The following NPAS3 variants were observed in gnomAD, a reference collection of about 807,000 sequenced individuals.
The protein encoded by NPAS3 is neuronal PAS domain-containing protein 3.
In NPAS3, 14 loss-of-function variants were observed where a neutral mutation model predicts 73.1. The ratio of observed to expected loss-of-function variants is 0.19; its 90% CI spans 0.13 to 0.30. NPAS3 has a LOEUF of 0.30. Ranked by LOEUF, NPAS3 falls within the 10% of genes least tolerant of loss-of-function variation. The pLI is 1.00. For synonymous variants in NPAS3, 620 were observed against 541.5 expected (o/e 1.14, Z -2.01); for missense variants, 1,096 against 1,250.0 (o/e 0.88, Z 1.86).
intron 6 of NPAS3, 35 bp downstream of exon 6, chr14:33,676,420 GC>G: frequency 2.0e-6 from 3 of 1,517,078 alleles, no homozygotes; most frequent in Non-Finnish European, 2.6e-6. Context: ...GGGTTGGTGG[GC>G]AGGACCTTTG....
intron 1 of NPAS3, among the ~76,000 whole-genome samples, chr14:33,020,078 AT>A (rs2138251231): frequency 6.6e-6 from 1 of 152,340 alleles, no homozygotes; most frequent in East Asian, 1.9e-4. Context: ...TGTCAGTATT[AT>A]ATTTTTCAAA....
At chr14:33,678,266 A>G (rs1007734541) in intron 6 of NPAS3, among the ~76,000 whole-genome samples, 1 of 152,162 alleles carries the variant, frequency 6.6e-6, no homozygotes, top group African/African-American at 2.4e-5. Flanking sequence ...TCTCGTAGAT[A>G]GTTATGCCTG....
intron 3 of NPAS3, among the ~76,000 whole-genome samples, chr14:33,298,459 C>G (rs1350819148): frequency 1.3e-5 from 2 of 152,158 alleles, no homozygotes; most frequent in Non-Finnish European, 2.9e-5. Context: ...TTAGAGACTC[C>G]TCTTTGTGAC....
At chr14:33,178,475 T>C (rs1307201673) in intron 2 of NPAS3, among the ~76,000 whole-genome samples, 2 of 152,220 alleles carry the variant, frequency 1.3e-5, no homozygotes, top group African/African-American at 4.8e-5. Flanking sequence ...TTTAATAATA[T>C]AAATTTCTCA....
intron 1 of NPAS3, among the ~76,000 whole-genome samples, chr14:33,022,979 A>C (rs575569379): frequency 1.2e-4 from 18 of 152,206 alleles, no homozygotes; most frequent in African/African-American, 4.1e-4. Flanking sequence ...TAAATTTTTA[A>C]TCTAAAACTG....
chr14:32,945,004 C>T (rs1364293021), intron 1 of NPAS3, among the ~76,000 whole-genome samples: 6 of 152,098 alleles, frequency 3.9e-5, no homozygotes, highest in African/African-American at 1.2e-4. Context: ...CGTGGTTATG[C>T]GTGCCAGGTA....
chr14:33,195,226 C>T (rs1321514119), intron 2 of NPAS3, among the ~76,000 whole-genome samples: 1 of 150,576 alleles, frequency 6.6e-6, no homozygotes, highest in African/African-American at 2.4e-5. Flanking sequence ...CTCCCACCCA[C>T]TAGCTAAAAA....
intron 5 of NPAS3, among the ~76,000 whole-genome samples, chr14:33,675,048 AG>A (rs1218913431): frequency 2.0e-4 from 29 of 147,542 alleles, no homozygotes; most frequent in South Asian, 1.8e-3. Context: ...TGAGGTAGGC[AG>A]GGGTTCTAGG....
At chr14:33,780,950 A>G (rs1366562403) in intron 9 of NPAS3, 1 of 216,006 alleles carries the variant, frequency 4.6e-6, no homozygotes, top group Non-Finnish European at 9.3e-6. Context: ...GATTGGGTTC[A>G]TTCTTTTAAC....
chr14:33,200,367 C>A (rs2046568023), intron 2 of NPAS3, among the ~76,000 whole-genome samples: 1 of 151,966 alleles, frequency 6.6e-6, no homozygotes, highest in Admixed American at 6.6e-5. Flanking sequence ...AAAGTAAAAG[C>A]AGAAACACAA....
rs1024013497 is a variant in NPAS3 at position 33,660,407 on chromosome 14, G to C, written c.559-15804G>C. 2.6e-5 allele frequency among the ~76,000 whole-genome samples: 4 copies of C among 152,286 alleles called. No homozygotes were observed. The South Asian group carries it at 8.3e-4, about 32-fold the overall frequency. ...TTTTATGGATAAAGAAAGAGCTGCA[G>C]TTGAGTCTTCACAAAAGTTGCCCGT... On this transcript the variant is annotated intron_variant, in intron 5 of 11. Transcript: ENST00000356141.
intron 5 of NPAS3, among the ~76,000 whole-genome samples, chr14:33,637,116 T>A (rs1438129028): frequency 1.3e-5 from 2 of 152,206 alleles, no homozygotes; most frequent in East Asian, 1.9e-4. Context: ...AACTATTTTT[T>A]AAATGTTTTC....
intron 4 of NPAS3, among the ~76,000 whole-genome samples, chr14:33,509,270 C>T (rs1043290620): frequency 1.3e-5 from 2 of 151,930 alleles, no homozygotes; most frequent in Non-Finnish European, 2.9e-5. Flanking sequence ...TTCTGCCATA[C>T]AGATTATGAA....
chr14:33,441,025 G>A (rs977132363), intron 4 of NPAS3, among the ~76,000 whole-genome samples: 3 of 152,158 alleles, frequency 2.0e-5, no homozygotes, highest in African/African-American at 7.2e-5. Context: ...AAACCCCACT[G>A]TCCTTAGATT....
chr14:33,170,231 A>G (rs1236206118), intron 2 of NPAS3, among the ~76,000 whole-genome samples: 1 of 152,236 alleles, frequency 6.6e-6, no homozygotes, highest in Non-Finnish European at 1.5e-5. Context: ...TGCATATAAA[A>G]GTTATATTAA....
chr14:33,168,603 C>T (rs2045261836), intron 2 of NPAS3, among the ~76,000 whole-genome samples: 1 of 152,194 alleles, frequency 6.6e-6, no homozygotes, highest in Non-Finnish European at 1.5e-5. Flanking sequence ...TCCTTCTTTG[C>T]TATCCCTGTA....
chr14:32,944,334 T>C (rs1336992375), intron 1 of NPAS3, among the ~76,000 whole-genome samples: 1 of 152,246 alleles, frequency 6.6e-6, no homozygotes, highest in African/African-American at 2.4e-5. Flanking sequence ...TATAGACGTG[T>C]CTTTAATTGC....
chr14:33,332,373 A>G (rs2044026005), intron 3 of NPAS3, among the ~76,000 whole-genome samples: 1 of 152,114 alleles, frequency 6.6e-6, no homozygotes, highest in South Asian at 2.1e-4. Context: ...TATGAAGACT[A>G]TTTTTCTTTT....
chr14:33,441,747 G>A (rs919671128), intron 4 of NPAS3, among the ~76,000 whole-genome samples: 2 of 152,142 alleles, frequency 1.3e-5, no homozygotes, highest in African/African-American at 4.8e-5. Flanking sequence ...ACAGTTTCAC[G>A]TGGCTGGGGA....
Sources: gnomAD v4.1 joint callset for allele counts (sites outside exome capture counted in the v4.1 genomes callset) on GRCh38, gnomAD v4.1.1 for gene constraint, MANE v1.5 for transcripts, NCBI Gene and HGNC (gene_info 2026-07-23, HGNC 2026-07-21) for gene names.